PPP1R42: variants seen among roughly 807,000 people sequenced by gnomAD.
PPP1R42 encodes the protein leucine rich repeat containing 67.
PPP1R42 carries 34 observed loss-of-function variants against 31.0 expected under a neutral mutation model. The observed-to-expected ratio is 1.10, with a 90% CI of 0.83 to 1.46. The LOEUF (loss-of-function observed/expected upper bound fraction) is 1.46, where lower values mean the gene tolerates loss of function less well. PPP1R42 is among the 40% of genes most tolerant of loss of function. The probability of loss-of-function intolerance (pLI) is 0.00; values close to 1 mark genes in which losing one functional copy is unlikely to be tolerated. For synonymous variants in PPP1R42, 103 were observed against 109.8 expected (o/e 0.94, Z 0.39); for missense variants, 268 against 303.0 (o/e 0.88, Z 0.86).
intron 5 of PPP1R42, among the ~76,000 whole-genome samples, chr8:66,997,611 A>G (rs1031980029): frequency 2.0e-5 from 3 of 150,792 alleles, no homozygotes; most frequent in African/African-American, 7.3e-5. Flanking sequence ...CAGTGGCACA[A>G]TCATGGCCCA....
At chr8:66,975,206 A>T (rs1172444651) in intron 7 of PPP1R42, among the ~76,000 whole-genome samples, 3 of 152,130 alleles carry the variant, frequency 2.0e-5, no homozygotes. Flanking sequence ...TTCTTTCATC[A>T]ATGTTTTGTC....
chr8:67,004,191 T>G (rs928335850), intron 5 of PPP1R42, among the ~76,000 whole-genome samples: 2 of 152,166 alleles, frequency 1.3e-5, no homozygotes, highest in African/African-American at 4.8e-5. Context: ...ATTTTGCTCC[T>G]TTCATCCCTC....
chr8:67,008,632 A>G (rs1326126638), intron 5 of PPP1R42, among the ~76,000 whole-genome samples: 2 of 151,674 alleles, frequency 1.3e-5, no homozygotes, highest in Non-Finnish European at 2.9e-5. Context: ...CTCTTGAACC[A>G]AGGTGGTGAA....
rs74786399 is a variant in PPP1R42 at position 67,004,454 on chromosome 8, C to A, written c.552+6261G>T. ...ATATATTGGATCTTCTGAATTAATTCTTTAAGTTTCTTTTTTACTTGCTTA... is the reference window on the plus strand; with the variant it reads ...ATATATTGGATCTTCTGAATTAATTATTTAAGTTTCTTTTTTACTTGCTTA... On this transcript the variant is annotated intron_variant, in intron 5 of 7. Coordinates refer to ENST00000685739, the MANE Select transcript of PPP1R42 (RefSeq NM_001364910.1). Among the ~76,000 whole-genome samples the A allele has an allele frequency of 4.2e-3, 645 of 152,288 alleles. 9 individuals are homozygous for A. Among genetic ancestry groups the A allele is most frequent in the African/African-American group, 0.015 (611 of 41,578 alleles).
At chr8:67,019,382 A>G (rs1816135388) in intron 1 of PPP1R42, among the ~76,000 whole-genome samples, 1 of 148,836 alleles carries the variant, frequency 6.7e-6, no homozygotes, top group African/African-American at 2.5e-5. Context: ...CTGGGATTAC[A>G]GGCGCCCACC....
At chr8:67,027,805 T>G (rs779348898) in intron 1 of PPP1R42, among the ~76,000 whole-genome samples, 1 of 152,180 alleles carries the variant, frequency 6.6e-6, no homozygotes, top group East Asian at 1.9e-4. Context: ...TTGCCTACTT[T>G]CCACCTTCTA....
At chr8:66,997,707 A>AT (rs540831899) in intron 5 of PPP1R42, among the ~76,000 whole-genome samples, 2,076 of 150,346 alleles carry the variant, frequency 0.014, 17 homozygotes, top group Non-Finnish European at 0.019. Context: ...TTCCCAGCTA[A>AT]TTTTTTTTAA....
At chr8:66,970,950 T>A in intron 7 of PPP1R42, 1 of 1,459,950 alleles carries the variant, frequency 6.8e-7, no homozygotes, top group Non-Finnish European at 9.2e-7. Context: ...ACCAAAAAGA[T>A]AAAGTCACAT....
At chr8:66,972,535 G>C (rs529396508) in intron 7 of PPP1R42, among the ~76,000 whole-genome samples, 3 of 151,884 alleles carry the variant, frequency 2.0e-5, no homozygotes, top group Non-Finnish European at 4.4e-5. Context: ...GATTATAGGC[G>C]CCTGCCACCA....
At chr8:66,967,886 G>A (rs886579640) in intron 7 of PPP1R42, among the ~76,000 whole-genome samples, 3 of 151,262 alleles carry the variant, frequency 2.0e-5, no homozygotes, top group Non-Finnish European at 4.4e-5. Context: ...GTTTTTCATT[G>A]TATGGTGCTA....
intron 1 of PPP1R42, among the ~76,000 whole-genome samples, chr8:67,019,611 T>C (rs193216586): frequency 6.6e-6 from 1 of 151,936 alleles, no homozygotes; most frequent in East Asian, 2.0e-4. Flanking sequence ...CCTCTAATGT[T>C]CTCATTTCAC....
intron 5 of PPP1R42, among the ~76,000 whole-genome samples, chr8:66,996,212 TC>T (rs1006489074): frequency 6.6e-6 from 1 of 152,016 alleles, no homozygotes; most frequent in African/African-American, 2.4e-5. Flanking sequence ...ACCATGCCTG[TC>T]TAGTGTTTCT....
At position 67,012,959 on chromosome 8, in the gene PPP1R42, G is replaced by A; in HGVS notation, c.434C>T (p.Ala145Val). ...CAAAATATTCAAATGTGAACTTACT[G>A]CCAGAGAATGAAGAGTTCTTGGATC... ...LFDPRTLHSL[A>V]KSLCILNISN... is the part of the protein sequence containing the mutation. Residue 145 changes from alanine to valine, a missense_variant and splice_region_variant, in exon 4 of 8, where the codon GCA becomes GTA. Transcript: ENST00000685739. 6.3e-7 allele frequency: 1 copy of A among 1,595,220 alleles called. No homozygotes were observed. The highest frequency in any genetic ancestry group is 2.2e-5 in the East Asian group (1 of 44,684).
At chr8:66,997,715 T>TAA (rs1379114144) in intron 5 of PPP1R42, among the ~76,000 whole-genome samples, 1 of 143,384 alleles carries the variant, frequency 7.0e-6, no homozygotes, top group South Asian at 2.2e-4. Context: ...TAATTTTTTT[T>TAA]AAAAAAAAAA....
chr8:67,004,991 C>T (rs1026376584), intron 5 of PPP1R42, among the ~76,000 whole-genome samples: 9 of 151,756 alleles, frequency 5.9e-5, no homozygotes, highest in Non-Finnish European at 1.0e-4. Flanking sequence ...TTTTGCCCAG[C>T]GTTTTAAAGC....
chr8:66,982,951 CT>C lies in PPP1R42; in HGVS notation c.671-772del, dbSNP rs199626734. Among the ~76,000 whole-genome samples the C allele has an allele frequency of 0.019, 2,628 of 135,958 alleles. 137 individuals carry two copies. In the East Asian group the frequency reaches 0.24, roughly 13 times the overall value. The allele number at this position is 135,958 out of a possible 152,430, so 89.2% of individuals were successfully genotyped here. On this transcript the variant is annotated intron_variant, in intron 6 of 7. Coordinates refer to ENST00000685739, the MANE Select transcript of PPP1R42 (RefSeq NM_001364910.1). ...GCCACCATGCCTGGATAATTAAAAGCTTTTTTTTTTTTTTAGAGATGGGATC... is the reference window on the plus strand; with the variant it reads ...GCCACCATGCCTGGATAATTAAAAGCTTTTTTTTTTTTTAGAGATGGGATC...
chr8:67,022,547 T>G (rs552902495), intron 1 of PPP1R42, among the ~76,000 whole-genome samples: 3 of 152,196 alleles, frequency 2.0e-5, no homozygotes, highest in Non-Finnish European at 4.4e-5. Flanking sequence ...AATGTATCAC[T>G]ATTTTTCTCA....
chr8:67,013,053 C>T lies in PPP1R42; in HGVS notation c.340G>A (p.Gly114Arg). The T allele has an allele frequency of 6.2e-7, 1 of 1,610,726 alleles. No homozygotes were observed. Among genetic ancestry groups the T allele is most frequent in the South Asian group, 1.1e-5 (1 of 90,076 alleles). Reference protein sequence around the residue: ...NYIAVIEGLEGLGELRELHVE... With the variant: ...NYIAVIEGLERLGELRELHVE... ...TGAAGCTCTCTTAGTTCTCCTAATC[C>T]TTCTAAACCTTCTATGACAGCAATG... Residue 114 changes from glycine to arginine, a missense_variant, in exon 4 of 8, where the codon GGA becomes AGA. Physicochemically the swap from Gly to Arg is moderately radical, Grantham distance 125. Transcript: ENST00000685739.
At chr8:66,982,295 A>G in intron 6 of PPP1R42, 115 bp from the exon 7 acceptor site, 1 of 461,862 alleles carries the variant, frequency 2.2e-6, no homozygotes, top group South Asian at 8.6e-5. Context: ...ACTGAAATAA[A>G]TTTGTTTTTA....
Sources: gnomAD v4.1 joint callset for allele counts (sites outside exome capture counted in the v4.1 genomes callset) on GRCh38, gnomAD v4.1.1 for gene constraint, MANE v1.5 for transcripts, NCBI Gene and HGNC (gene_info 2026-07-23, HGNC 2026-07-21) for gene names.